The following HIPK3 variants were observed in gnomAD, a reference collection of about 807,000 sequenced individuals.
HIPK3 encodes homeodomain-interacting protein kinase 3.
Under a neutral mutation model 124.2 loss-of-function variants are expected in HIPK3, and 47 were observed. The ratio of observed to expected loss-of-function variants is 0.38; its 90% confidence interval spans 0.30 to 0.48. HIPK3 has a LOEUF of 0.48. Among genes scored for constraint, HIPK3 ranks in the 20% least tolerant of loss-of-function variants. The pLI is 0.98. For synonymous variants in HIPK3, 482 were observed against 515.2 expected (o/e 0.94, Z 0.87); for missense variants, 1,286 against 1,454.3 (o/e 0.88, Z 1.88).
rs56902582 is a variant in HIPK3, at chr11:33,281,058, C to CTTTTTTT, written c.-2-5332_-2-5326dup. On this transcript the variant is annotated intron_variant, in intron 1 of 16. Coordinates refer to ENST00000303296, the MANE Select transcript of HIPK3 (RefSeq NM_005734.5). ...TTTATGTGTATATTTACTTATTTGA[C>CTTTTTTT]TTTTTTTTTTTTTTTTTTTTTTTTT... Among the ~76,000 whole-genome samples the CTTTTTTT allele has an allele frequency of 2.1e-4, 23 of 111,794 alleles. 2 individuals are homozygous for CTTTTTTT. The highest frequency in any genetic ancestry group is 8.4e-4 in the East Asian group (3 of 3,564). The allele number at this position is 111,794 out of a possible 152,430, so 73.3% of individuals were successfully genotyped here.
At chr11:33,330,194 G>T (rs1330048489) in intron 3 of HIPK3, among the ~76,000 whole-genome samples, 1 of 151,966 alleles carries the variant, frequency 6.6e-6, no homozygotes, top group African/African-American at 2.4e-5. Context: ...AACTAAACTT[G>T]GAACAGGTAT....
At chr11:33,336,889 A>G (rs1015725496) in intron 3 of HIPK3, among the ~76,000 whole-genome samples, 186 bp from the exon 4 acceptor site, 6 of 152,210 alleles carry the variant, frequency 3.9e-5, no homozygotes, top group African/African-American at 9.7e-5. Flanking sequence ...TCAAGCGTGC[A>G]TTTATTATGA....
chr11:33,295,215 G>C (rs1426134155), intron 2 of HIPK3, among the ~76,000 whole-genome samples: 1 of 151,536 alleles, frequency 6.6e-6, no homozygotes, highest in Non-Finnish European at 1.5e-5. Flanking sequence ...GTGCCCAGGA[G>C]ACCTCTGAAG....
intron 3 of HIPK3, among the ~76,000 whole-genome samples, chr11:33,333,765 G>C (rs146840953): frequency 3.9e-5 from 6 of 152,180 alleles, no homozygotes; most frequent in Non-Finnish European, 8.8e-5. Flanking sequence ...TTAGCACTTT[G>C]TTTTCTTCTT....
chr11:33,289,104 A>C (rs11032220), intron 2 of HIPK3, among the ~76,000 whole-genome samples: 1 of 152,110 alleles, frequency 6.6e-6, no homozygotes, highest in East Asian at 1.9e-4. Context: ...GTAGGTTATC[A>C]GAAAGAATTG....
In HIPK3 at chr11:33,356,250, A is replaced by G. The variant is rs1041217302; in HGVS notation, c.*2682A>G. On this transcript the variant is annotated 3_prime_UTR_variant, in exon 17 of 17. Transcript: ENST00000303296. ...TTAATGTTTGATAAAGGTATATCCCAGTTAACTACACTGCTCTTTAATTGC... is the reference window on the plus strand; with the variant it reads ...TTAATGTTTGATAAAGGTATATCCCGGTTAACTACACTGCTCTTTAATTGC... 3.1e-4 allele frequency: 47 copies of G among 152,182 alleles called. No individual in the cohort carries two copies. Among genetic ancestry groups the G allele is most frequent in the African/African-American group, 1.1e-3 (46 of 41,580 alleles). 9.4% of individuals were successfully genotyped at this position (152,182 alleles called of 1,614,324 possible).
chr11:33,331,306 GTC>G (rs1408046830), intron 3 of HIPK3, among the ~76,000 whole-genome samples: 4 of 152,202 alleles, frequency 2.6e-5, no homozygotes, highest in Non-Finnish European at 5.9e-5. Flanking sequence ...AGTAGGGTAT[GTC>G]TCTCTCTATT....
In HIPK3 at chr11:33,341,190, G is replaced by A. The variant is rs1853323036; in HGVS notation, c.1773+63G>A. ...TTTAATGATTGCGCATTTTACTTTT[G>A]ATATATACAGAAGTTTGGTGTCAGT... is the stretch of plus-strand genomic sequence containing the variant. On this transcript the variant is annotated intron_variant, in intron 7 of 16. Transcript: ENST00000303296. The A allele has an allele frequency of 8.4e-6, 10 of 1,194,508 alleles. No homozygotes were observed. In the East Asian group the frequency reaches 2.4e-4, roughly 29 times the overall value. The allele number at this position is 1,194,508 out of a possible 1,614,324, so 74.0% of individuals were successfully genotyped here. A position where few individuals can be genotyped will look rare whatever the true frequency, so the allele number is the denominator to read the frequency against.
chr11:33,259,723 TTGTGA>T (rs1343250223), intron 1 of HIPK3, among the ~76,000 whole-genome samples: 5 of 152,160 alleles, frequency 3.3e-5, no homozygotes, highest in African/African-American at 1.2e-4. Flanking sequence ...GTTGAAATAT[TTGTGA>T]TGTTTGGGCA....
At chr11:33,342,071 C>T (rs1277057387) in intron 8 of HIPK3, among the ~76,000 whole-genome samples, 1 of 130,414 alleles carries the variant, frequency 7.7e-6, no homozygotes, top group Non-Finnish European at 1.5e-5. Context: ...CCACTGCGCT[C>T]TAGCCTGGGC....
intron 2 of HIPK3, among the ~76,000 whole-genome samples, chr11:33,288,828 C>T (rs545535813): frequency 2.0e-5 from 3 of 152,202 alleles, no homozygotes; most frequent in South Asian, 2.1e-4. Context: ...CTAAGCCCTA[C>T]GAGGTCCAAC....
At chr11:33,290,289 T>C (rs1405280837) in intron 2 of HIPK3, among the ~76,000 whole-genome samples, 3 of 152,222 alleles carry the variant, frequency 2.0e-5, no homozygotes, top group African/African-American at 7.2e-5. Flanking sequence ...TATCACATAA[T>C]TAGATTTATT....
intron 8 of HIPK3, among the ~76,000 whole-genome samples, chr11:33,345,962 G>A (rs1383665412): frequency 6.6e-6 from 1 of 152,078 alleles, no homozygotes; most frequent in African/African-American, 2.4e-5. Flanking sequence ...TGCCTGAAGA[G>A]AAACACTCAA....
rs1206538070 is a variant in HIPK3 at position 33,341,565 on chromosome 11, A to G, written c.1776A>G (p.Ala592=). The change falls in exon 8 of 17, where the codon GCA becomes GCG. Residue 592 remains alanine, a splice_region_variant and synonymous_variant. Transcript: ENST00000303296. The stretch of plus-strand genomic sequence containing the variant: ...ATATAATGTGCTCGTTGTTTCAGGC[A>G]TTGACCACATCTGCTCATTCAGTTG... ...FTKIGTLRSQ[A]LTTSAHSVVH... is the part of the protein sequence containing the mutation. The G allele has an allele frequency of 1.2e-6, 2 of 1,608,032 alleles. No homozygotes were observed. The highest frequency in any genetic ancestry group is 1.7e-6 in the Non-Finnish European group (2 of 1,177,556).
chr11:33,347,953 T>C lies in HIPK3; in HGVS notation c.2246T>C (p.Ile749Thr), dbSNP rs750109042. ...GCCCCTCAGCCAGTTAGTGTGGGGATTGCACATGTTGTCTGGCCTCAGCCT... is the reference window on the plus strand; with the variant it reads ...GCCCCTCAGCCAGTTAGTGTGGGGACTGCACATGTTGTCTGGCCTCAGCCT... ...LSAPQPVSVG[I>T]AHVVWPQPAT... The change falls in exon 11 of 17, where the codon ATT (isoleucine) becomes ACT (threonine). Residue 749 changes from isoleucine to threonine, a missense_variant. Physicochemically the swap from Ile to Thr is moderately conservative, Grantham distance 89. Around this residue, in one of 3 missense-constraint regions of HIPK3, gnomAD observed 810 missense variants for 864.9 expected, o/e 0.94. Coordinates refer to ENST00000303296, the MANE Select transcript of HIPK3 (RefSeq NM_005734.5). 1 of 1,614,056 alleles carries C rather than the reference T, an allele frequency of 6.2e-7. No homozygotes were observed. The highest frequency in any genetic ancestry group is 1.3e-5 in the African/African-American group (1 of 74,932).
intron 1 of HIPK3, among the ~76,000 whole-genome samples, chr11:33,263,799 C>G (rs986154125): frequency 2.1e-4 from 32 of 152,206 alleles, no homozygotes; most frequent in African/African-American, 7.2e-4. Flanking sequence ...CTCTTTCTGT[C>G]TTTTGTTTCT....
At chr11:33,338,331 T>G (rs1853220094) in intron 4 of HIPK3, among the ~76,000 whole-genome samples, 1 of 152,170 alleles carries the variant, frequency 6.6e-6, no homozygotes, top group South Asian at 2.1e-4. Flanking sequence ...CCTCCCAGGT[T>G]CAAGTGATTC....
In HIPK3 at chr11:33,354,834, C is replaced by T. The variant is rs996254329; in HGVS notation, c.*1266C>T. The T allele has an allele frequency of 7.2e-5, 11 of 151,736 alleles. No individual in the cohort carries two copies. The highest frequency in any genetic ancestry group is 2.7e-4 in the African/African-American group (11 of 41,320). The allele number at this position is 151,736 out of a possible 1,614,324, so 9.4% of individuals were successfully genotyped here. On this transcript the variant is annotated 3_prime_UTR_variant, in exon 17 of 17. Transcript: ENST00000303296. ...CTTTCTAGGAAGTGTGTTGAGTTCC[C>T]CCCTTCCCCGACATTTTTTTCTTTT... is the stretch of plus-strand genomic sequence containing the variant.
intron 1 of HIPK3, among the ~76,000 whole-genome samples, chr11:33,267,501 TA>T (rs566899305): frequency 4.8e-5 from 7 of 146,204 alleles, no homozygotes; most frequent in African/African-American, 1.3e-4. Context: ...TTATTATTAT[TA>T]TTTTTTTTTT....
Sources: gnomAD v4.1 joint callset for allele counts (sites outside exome capture counted in the v4.1 genomes callset) on GRCh38, gnomAD v4.1.1 for gene constraint, gnomAD v4.1.1 regional missense constraint, MANE v1.5 for transcripts, NCBI Gene and HGNC (gene_info 2026-07-23, HGNC 2026-07-21) for gene names.